Variants in SUPT3H observed in about 807,000 individuals in gnomAD.
SUPT3H encodes SPT3 homolog, SAGA and STAGA complex component.
Under a neutral mutation model 44.3 loss-of-function variants are expected in SUPT3H, and 44 were observed. The observed-to-expected ratio is 0.99, with a 90% CI of 0.78 to 1.28. The LOEUF (loss-of-function observed/expected upper bound fraction) is 1.28. Ranked by LOEUF, SUPT3H falls within the 50% of genes most tolerant of loss-of-function variation. The pLI is 0.00. For synonymous variants in SUPT3H, 124 were observed against 125.6 expected (o/e 0.99, Z 0.09); for missense variants, 380 against 387.1 (o/e 0.98, Z 0.15).
chr6:44,972,722 A>G (rs929769974), intron 6 of SUPT3H, among the ~76,000 whole-genome samples: 3 of 152,290 alleles, frequency 2.0e-5, no homozygotes, highest in African/African-American at 7.2e-5. Flanking sequence ...GTCTAGGTGG[A>G]GGTTCCCAAA....
intron 2 of SUPT3H, among the ~76,000 whole-genome samples, chr6:45,190,748 A>G (rs1629542): frequency 0.62 from 93,793 of 152,000 alleles, 29,560 homozygotes; most frequent in African/African-American, 0.75. Context: ...AAGTAAGAAA[A>G]TAAGAATCTC....
At chr6:45,012,805 C>A (rs1454383225) in intron 5 of SUPT3H, among the ~76,000 whole-genome samples, 1 of 152,124 alleles carries the variant, frequency 6.6e-6, no homozygotes, top group Admixed American at 6.6e-5. Context: ...ACTCCCTCCC[C>A]TCCCTGGGGC....
chr6:44,839,762 C>T (rs529156235), intron 10 of SUPT3H, among the ~76,000 whole-genome samples: 21 of 151,466 alleles, frequency 1.4e-4, no homozygotes, highest in African/African-American at 4.1e-4. Flanking sequence ...AGTGCAGTGG[C>T]GCCATCTCGG....
rs143223149 is a variant in SUPT3H at position 45,331,104 on chromosome 6, G to GGTGTGTGTGT, written c.101+34087_101+34096dup. On this transcript the variant is annotated intron_variant, in intron 2 of 10. Transcript: ENST00000371459. ...CTGCTTCACCTCAAATACAATGAGT[G>GGTGTGTGTGT]GTGTGTGTGTGTGTGTGTGTGTGCG... Among the ~76,000 whole-genome samples the GGTGTGTGTGT allele has an allele frequency of 5.6e-4, 84 of 149,718 alleles. 1 individual carries two copies. The highest frequency in any genetic ancestry group is 1.7e-3 in the African/African-American group (68 of 40,580).
chr6:45,370,567 T>C (rs1795890503), intron 1 of SUPT3H, among the ~76,000 whole-genome samples: 1 of 152,198 alleles, frequency 6.6e-6, no homozygotes, highest in Non-Finnish European at 1.5e-5. Context: ...AATAGAACTT[T>C]GTATAAGGAT....
intron 2 of SUPT3H, among the ~76,000 whole-genome samples, chr6:45,175,276 G>A (rs1173478507): frequency 6.6e-6 from 1 of 152,128 alleles, no homozygotes; most frequent in African/African-American, 2.4e-5. Flanking sequence ...CCGAGACTGA[G>A]TAATTTACAA....
intron 2 of SUPT3H, among the ~76,000 whole-genome samples, chr6:45,352,405 T>C (rs767226086): frequency 6.6e-6 from 1 of 152,152 alleles, no homozygotes; most frequent in Non-Finnish European, 1.5e-5. Context: ...ACAAATCTAA[T>C]AAATTTGATT....
rs532251988 is a variant in SUPT3H at position 44,991,083 on chromosome 6, A to C, written c.504+12570T>G. Among the ~76,000 whole-genome samples the C allele has an allele frequency of 7.9e-5, 12 of 152,208 alleles. No homozygotes were observed. In the East Asian group the frequency reaches 2.3e-3, roughly 29 times the overall value. On this transcript the variant is annotated intron_variant, in intron 6 of 10. Coordinates refer to ENST00000371459, the MANE Select transcript of SUPT3H (RefSeq NM_003599.4). ...TCTTCTACTATTTGAGGTGAGAATA[A>C]TGAGGAAATAAAAGTCCTTTCTTCA...
intron 10 of SUPT3H, among the ~76,000 whole-genome samples, chr6:44,831,888 A>AAAC (rs1220730954): frequency 2.0e-5 from 3 of 152,238 alleles, no homozygotes; most frequent in East Asian, 3.9e-4. Flanking sequence ...ACTGCTTTGC[A>AAAC]AACAAAAGAT....
intron 2 of SUPT3H, among the ~76,000 whole-genome samples, chr6:45,151,097 G>C (rs988133970): frequency 1.4e-4 from 21 of 152,030 alleles, no homozygotes; most frequent in African/African-American, 4.6e-4. Context: ...GAAATCCAAA[G>C]AAAAAGATGT....
chr6:45,334,449 C>CAAAA (rs551014969), intron 2 of SUPT3H, among the ~76,000 whole-genome samples: 121 of 91,724 alleles, frequency 1.3e-3, no homozygotes, highest in East Asian at 2.9e-3. Flanking sequence ...TCAGGAAAAG[C>CAAAA]AAAAAAAAAA....
chr6:44,993,323 A>G (rs1780846054), intron 6 of SUPT3H, among the ~76,000 whole-genome samples: 3 of 152,134 alleles, frequency 2.0e-5, no homozygotes. Flanking sequence ...ATCCCTTGAG[A>G]GCCATCTTCA....
intron 2 of SUPT3H, among the ~76,000 whole-genome samples, chr6:45,107,330 G>A (rs186138784): frequency 6.8e-4 from 103 of 152,276 alleles, no homozygotes; most frequent in African/African-American, 2.4e-3. Context: ...CGAACTAGTA[G>A]AGAATTCAAG....
chr6:45,298,746 C>A (rs1391684355), intron 2 of SUPT3H, among the ~76,000 whole-genome samples: 1 of 152,040 alleles, frequency 6.6e-6, no homozygotes, highest in East Asian at 1.9e-4. Context: ...ATGGTAAAAT[C>A]TGAAAATATC....
At chr6:44,985,880 T>C (rs918855901) in intron 6 of SUPT3H, among the ~76,000 whole-genome samples, 2 of 152,168 alleles carry the variant, frequency 1.3e-5, no homozygotes, top group African/African-American at 4.8e-5. Context: ...AGCAATCTGA[T>C]TCACACTAAT....
At chr6:45,232,125 A>C (rs1768172077) in intron 2 of SUPT3H, among the ~76,000 whole-genome samples, 1 of 152,080 alleles carries the variant, frequency 6.6e-6, no homozygotes, top group Non-Finnish European at 1.5e-5. Flanking sequence ...ATTCTATTTC[A>C]TACTTCCTGT....
intron 9 of SUPT3H, among the ~76,000 whole-genome samples, chr6:44,948,586 G>A (rs1267689021): frequency 6.6e-6 from 1 of 152,222 alleles, no homozygotes; most frequent in Non-Finnish European, 1.5e-5. Flanking sequence ...CGAAGGATAT[G>A]AACAGACACT....
At chr6:45,266,592 A>G (rs974721436) in intron 2 of SUPT3H, among the ~76,000 whole-genome samples, 6 of 152,024 alleles carry the variant, frequency 3.9e-5, no homozygotes, top group Non-Finnish European at 7.4e-5. Flanking sequence ...ATTAAATATT[A>G]TGAATAGACA....
At chr6:45,328,432 A>G (rs200595267) in intron 2 of SUPT3H, 56 of 1,447,172 alleles carry the variant, frequency 3.9e-5, no homozygotes, top group Non-Finnish European at 5.0e-5. Context: ...TCCGCAGGTC[A>G]CTACCAGCCA....
Sources: allele counts gnomAD v4.1 joint callset (sites outside exome capture counted in the v4.1 genomes callset), GRCh38; gene constraint gnomAD v4.1.1; transcripts MANE v1.5; gene names NCBI Gene and HGNC (gene_info 2026-07-23, HGNC 2026-07-21).